The following CYP7B1 variants were observed in gnomAD, a reference collection of about 807,000 sequenced individuals.
CYP7B1 encodes the protein cytochrome P450 family 7 subfamily B member 1.
In CYP7B1, 29 loss-of-function variants were observed where a neutral mutation model predicts 42.7. The ratio of observed to expected loss-of-function variants is 0.68; its 90% confidence interval spans 0.51 to 0.93. The LOEUF (loss-of-function observed/expected upper bound fraction) is 0.93. Among genes scored for constraint, CYP7B1 ranks in the 40% least tolerant of loss-of-function variants. CYP7B1 has a pLI of 0.00. For synonymous variants in CYP7B1, 235 were observed against 218.2 expected (o/e 1.08, Z -0.68); for missense variants, 655 against 600.5 (o/e 1.09, Z -0.95).
At chr8:64,636,784 C>T (rs1424494209) in intron 1 of CYP7B1, among the ~76,000 whole-genome samples, 1 of 152,082 alleles carries the variant, frequency 6.6e-6, no homozygotes, top group African/African-American at 2.4e-5. Flanking sequence ...TAGGAGAAAG[C>T]GAGTCAAAAA....
intron 1 of CYP7B1, among the ~76,000 whole-genome samples, chr8:64,747,434 C>T (rs1299523173): frequency 6.6e-6 from 1 of 151,280 alleles, no homozygotes; most frequent in African/African-American, 2.4e-5. Flanking sequence ...TAATAGCATA[C>T]TGTTGACCAA....
At chr8:64,624,308 A>G in intron 2 of CYP7B1, 95 bp downstream of exon 2, 2 of 1,175,534 alleles carry the variant, frequency 1.7e-6, no homozygotes, top group Non-Finnish European at 2.5e-6. Context: ...AAATATACAA[A>G]TATTCTACAT....
At chr8:64,660,142 T>C (rs1806180576) in intron 1 of CYP7B1, among the ~76,000 whole-genome samples, 2 of 152,222 alleles carry the variant, frequency 1.3e-5, no homozygotes, top group African/African-American at 4.8e-5. Context: ...CTATTACTGT[T>C]GCTTTGTTAC....
At chr8:64,626,848 T>G (rs1023900208) in intron 1 of CYP7B1, among the ~76,000 whole-genome samples, 1 of 152,250 alleles carries the variant, frequency 6.6e-6, no homozygotes, top group African/African-American at 2.4e-5. Context: ...GCAACTCATT[T>G]TGATTAATCA....
At chr8:64,628,871 G>C (rs1413019027) in intron 1 of CYP7B1, among the ~76,000 whole-genome samples, 5 of 152,078 alleles carry the variant, frequency 3.3e-5, no homozygotes, top group African/African-American at 1.2e-4. Context: ...TATACCTGTA[G>C]TTAAATAAAC....
intron 1 of CYP7B1, among the ~76,000 whole-genome samples, chr8:64,785,691 G>T (rs1804514094): frequency 6.6e-6 from 1 of 152,150 alleles, no homozygotes; most frequent in Admixed American, 6.5e-5. Context: ...ATCAGTGGTT[G>T]CCAAAGGTTA....
At chr8:64,720,071 CT>C (rs1807214983) in intron 1 of CYP7B1, among the ~76,000 whole-genome samples, 2 of 152,128 alleles carry the variant, frequency 1.3e-5, no homozygotes, top group Admixed American at 1.3e-4. Flanking sequence ...TTTTGTCTGC[CT>C]TACTAGCCTT....
chr8:64,660,972 C>A (rs1806191128), intron 1 of CYP7B1, among the ~76,000 whole-genome samples: 1 of 152,196 alleles, frequency 6.6e-6, no homozygotes, highest in Admixed American at 6.5e-5. Flanking sequence ...GTAAGAAAAA[C>A]TCACAAAACT....
At chr8:64,769,977 C>T (rs777639544) in intron 1 of CYP7B1, among the ~76,000 whole-genome samples, 111 of 152,202 alleles carry the variant, frequency 7.3e-4, no homozygotes, top group Non-Finnish European at 7.8e-4. Flanking sequence ...TCCCAAAGTT[C>T]TTACCATCCT....
intron 1 of CYP7B1, among the ~76,000 whole-genome samples, chr8:64,738,086 G>C (rs1333155808): frequency 6.6e-6 from 1 of 152,142 alleles, no homozygotes; most frequent in Admixed American, 6.6e-5. Context: ...TTCTGACCTA[G>C]AGCTGAATAT....
chr8:64,718,547 T>C (rs1356828958), intron 1 of CYP7B1, among the ~76,000 whole-genome samples: 1 of 152,210 alleles, frequency 6.6e-6, no homozygotes, highest in African/African-American at 2.4e-5. Flanking sequence ...GGATTCCCTG[T>C]TCAACAGTAA....
intron 1 of CYP7B1, among the ~76,000 whole-genome samples, chr8:64,625,252 C>T (rs985699723): frequency 6.6e-6 from 1 of 152,176 alleles, no homozygotes; most frequent in African/African-American, 2.4e-5. Flanking sequence ...GCATTACAGG[C>T]GTGAGCCACC....
intron 1 of CYP7B1, among the ~76,000 whole-genome samples, chr8:64,729,518 G>A (rs1807376737): frequency 6.6e-6 from 1 of 152,184 alleles, no homozygotes; most frequent in African/African-American, 2.4e-5. Flanking sequence ...TGTTTGTCGA[G>A]GCGTTAAAAA....
intron 1 of CYP7B1, among the ~76,000 whole-genome samples, chr8:64,674,807 G>C (rs963178992): frequency 6.6e-6 from 1 of 151,960 alleles, no homozygotes; most frequent in East Asian, 1.9e-4. Flanking sequence ...ACAGAGAATG[G>C]AGCGTTTCAG....
chr8:64,626,020 T>G (rs1347103495), intron 1 of CYP7B1, among the ~76,000 whole-genome samples: 1 of 152,200 alleles, frequency 6.6e-6, no homozygotes, highest in African/African-American at 2.4e-5. Flanking sequence ...AAGTATTTGT[T>G]GTGAAATTTT....
intron 1 of CYP7B1, among the ~76,000 whole-genome samples, chr8:64,717,081 G>A (rs1807166805): frequency 6.6e-6 from 1 of 152,106 alleles, no homozygotes; most frequent in Non-Finnish European, 1.5e-5. Context: ...CTTTAGTGCT[G>A]GTAATATGCC....
intron 1 of CYP7B1, among the ~76,000 whole-genome samples, chr8:64,642,460 A>T (rs1805872721): frequency 6.6e-6 from 1 of 152,166 alleles, no homozygotes; most frequent in Non-Finnish European, 1.5e-5. Flanking sequence ...GAAGATTTTT[A>T]AAATTTTGCT....
intron 1 of CYP7B1, among the ~76,000 whole-genome samples, chr8:64,706,768 C>A (rs115228875): frequency 6.6e-6 from 1 of 152,066 alleles, no homozygotes; most frequent in African/African-American, 2.4e-5. Flanking sequence ...AAGCTGCTTA[C>A]ATCAAGCACA....
chr8:64,697,313 A>C (rs926495660), intron 1 of CYP7B1, among the ~76,000 whole-genome samples: 1 of 152,226 alleles, frequency 6.6e-6, no homozygotes, highest in Non-Finnish European at 1.5e-5. Context: ...ATATAAATAC[A>C]GTAATGGGTT....
Sources: gnomAD v4.1 joint callset for allele counts (sites outside exome capture counted in the v4.1 genomes callset) on GRCh38, gnomAD v4.1.1 for gene constraint, MANE v1.5 for transcripts, NCBI Gene and HGNC (gene_info 2026-07-23, HGNC 2026-07-21) for gene names.